LY6S: variants seen among roughly 807,000 people sequenced by gnomAD.
LY6S encodes the protein lymphocyte antigen 6 family member S.
At chr8:143,072,206 T>TGTC in the LY6S span, among the ~76,000 whole-genome samples, 1 of 124,894 alleles carries the variant, frequency 8.0e-6, no homozygotes, top group Admixed American at 8.3e-5. Context: ...CAGCCGTCAT[T>TGTC]CTGGGGGTTC....
chr8:143,065,121 G>A, the LY6S span, among the ~76,000 whole-genome samples: 1 of 152,152 alleles, frequency 6.6e-6, no homozygotes, highest in East Asian at 1.9e-4. Flanking sequence ...GTCATCGTGG[G>A]AACACTATGC....
At chr8:143,062,971 C>G in the LY6S span, among the ~76,000 whole-genome samples, 2 of 152,316 alleles carry the variant, frequency 1.3e-5, no homozygotes, top group Admixed American at 1.3e-4. Flanking sequence ...GTTATGACAG[C>G]TTGGTATTGG....
the LY6S span, among the ~76,000 whole-genome samples, chr8:143,075,949 G>T: frequency 6.6e-6 from 1 of 152,044 alleles, no homozygotes; most frequent in African/African-American, 2.4e-5. This position sits in a 1 kb window ranked among gnomAD's most constrained non-coding sequence, Gnocchi z 4.1. Flanking sequence ...GTCTGTGCTG[G>T]GTCAGAGAAT....
chr8:143,041,307 C>A, the LY6S span, among the ~76,000 whole-genome samples: 1 of 152,216 alleles, frequency 6.6e-6, no homozygotes, highest in Non-Finnish European at 1.5e-5. Context: ...TTCTCTTTCT[C>A]AGGGATGTTC....
the LY6S span, among the ~76,000 whole-genome samples, chr8:143,071,072 A>G: frequency 6.6e-6 from 1 of 151,870 alleles, no homozygotes; most frequent in Non-Finnish European, 1.5e-5. Flanking sequence ...ATATAGACTC[A>G]GGAGGCGGCA....
the LY6S span, chr8:143,057,923 G>A: frequency 0.014 from 8,250 of 577,506 alleles, 213 homozygotes; most frequent in East Asian, 0.062. Flanking sequence ...TGCGGCCCAC[G>A]GTGCGGGTGG....
At chr8:143,048,993 T>G in the LY6S span, among the ~76,000 whole-genome samples, 1 of 152,112 alleles carries the variant, frequency 6.6e-6, no homozygotes, top group East Asian at 1.9e-4. Context: ...TGATGAGACG[T>G]TGGGCCCCCC....
chr8:143,044,849 A>G, the LY6S span: 3 of 1,336,600 alleles, frequency 2.2e-6, no homozygotes, highest in Non-Finnish European at 3.0e-6. Flanking sequence ...CAGGACATAC[A>G]CCAATGCCCT....
At chr8:143,041,918 C>T in the LY6S span, among the ~76,000 whole-genome samples, 2 of 83,184 alleles carry the variant, frequency 2.4e-5, no homozygotes, top group African/African-American at 5.0e-5. Flanking sequence ...CTGAGACGGC[C>T]GTCCACCCAG....
chr8:143,059,580 T>C, the LY6S span: 1 of 152,134 alleles, frequency 6.6e-6, no homozygotes, highest in African/African-American at 2.4e-5. Flanking sequence ...TTATAATATA[T>C]ATGCAAGTAA....
chr8:143,073,219 C>CCAT, the LY6S span, among the ~76,000 whole-genome samples: 1 of 150,382 alleles, frequency 6.6e-6, no homozygotes, highest in African/African-American at 2.4e-5. Context: ...GAGGAGACAG[C>CCAT]CGTCATTCTT....
the LY6S span, among the ~76,000 whole-genome samples, chr8:143,071,748 C>T: frequency 1.3e-5 from 2 of 152,174 alleles, no homozygotes; most frequent in Non-Finnish European, 2.9e-5. Context: ...CGCAGGAGGA[C>T]GTCTGTGAGG....
At chr8:143,076,045 C>A in the LY6S span, among the ~76,000 whole-genome samples, 1 of 152,076 alleles carries the variant, frequency 6.6e-6, no homozygotes, top group African/African-American at 2.4e-5. Flanking sequence ...AAAATGATAA[C>A]AATCTGTACC....
the LY6S span, among the ~76,000 whole-genome samples, chr8:143,064,271 G>A: frequency 6.6e-6 from 1 of 152,242 alleles, no homozygotes; most frequent in Non-Finnish European, 1.5e-5. Flanking sequence ...TCAGGTAGCG[G>A]TGGCTGAGAT....
the LY6S span, chr8:143,054,410 TC>T: frequency 2.0e-5 from 3 of 147,482 alleles, no homozygotes; most frequent in Non-Finnish European, 4.5e-5. Context: ...AACTCTACCA[TC>T]CCCTGATGGG....
chr8:143,051,270 C>T, the LY6S span, among the ~76,000 whole-genome samples: 1 of 152,182 alleles, frequency 6.6e-6, no homozygotes, highest in Admixed American at 6.5e-5. Flanking sequence ...ACTAGCAGCT[C>T]AGCGTGGTGG....
chr8:143,075,108 T>G, the LY6S span, among the ~76,000 whole-genome samples: 1 of 152,380 alleles, frequency 6.6e-6, no homozygotes, highest in African/African-American at 2.4e-5. This position sits in a 1 kb window ranked among gnomAD's most constrained non-coding sequence, Gnocchi z 4.1. Context: ...GACTCATTTT[T>G]TTCATTTACA....
chr8:143,044,658 T>A, the LY6S span: 1 of 1,364,476 alleles, frequency 7.3e-7, no homozygotes, highest in South Asian at 1.1e-5. Flanking sequence ...GAACCTGCCC[T>A]CTGCCCTGGC....
At chr8:143,049,096 G>A in the LY6S span, 1 of 512,362 alleles carries the variant, frequency 2.0e-6, no homozygotes, top group Non-Finnish European at 4.0e-6. Flanking sequence ...TGACCTCCTA[G>A]CGCCCTGATT....
Sources: allele counts gnomAD v4.1 joint callset (sites outside exome capture counted in the v4.1 genomes callset), GRCh38; gene constraint gnomAD v4.1.1; non-coding constraint Gnocchi (gnomAD v3.1); transcripts MANE v1.5; gene names NCBI Gene and HGNC (gene_info 2026-07-23, HGNC 2026-07-21).